MARCHF10: variants seen among roughly 807,000 people sequenced by gnomAD.
The protein encoded by MARCHF10 is membrane associated ring-CH-type finger 10.
A neutral mutation model predicts 76.2 loss-of-function variants in MARCHF10; 64 were observed. The ratio of observed to expected loss-of-function variants is 0.84; its 90% CI spans 0.69 to 1.03. The LOEUF (loss-of-function observed/expected upper bound fraction) is 1.03. MARCHF10 is among the 50% of genes least tolerant of loss of function. The probability of loss-of-function intolerance (pLI) is 0.00; values close to 1 mark genes in which losing one functional copy is unlikely to be tolerated. For synonymous variants in MARCHF10, 340 were observed against 357.5 expected, an observed-to-expected ratio of 0.95 and a Z score of 0.55; for missense variants, 875 against 958.0, an observed-to-expected ratio of 0.91 and a Z score of 1.14.
intron 6 of MARCHF10, among the ~76,000 whole-genome samples, chr17:62,728,506 T>G (rs764462314): frequency 7.9e-5 from 12 of 152,156 alleles, no homozygotes; most frequent in Non-Finnish European, 1.6e-4. Flanking sequence ...ACCTGTCACA[T>G]GTGGAAACCA....
At position 62,712,901 on chromosome 17, in the gene MARCHF10, C is replaced by T. The variant is rs770352155; in HGVS notation, c.2215-1557G>A. ...CTGGGATTACAGGTGTGCACCACCA[C>T]GCCCAGCTAATTTTTGTATTTTTAG... On this transcript the variant is annotated intron_variant, in intron 8 of 10. Transcript: ENST00000311269. This position sits in a 1 kb window ranked among gnomAD's most constrained non-coding sequence, Gnocchi z 4.2. Among the ~76,000 whole-genome samples the T allele has an allele frequency of 1.3e-5, 2 of 152,024 alleles. No homozygotes were observed. The highest frequency in any genetic ancestry group is 6.6e-5 in the Admixed American group (1 of 15,260).
At chr17:62,743,453 G>A (rs1187933321) in intron 5 of MARCHF10, among the ~76,000 whole-genome samples, 1 of 152,154 alleles carries the variant, frequency 6.6e-6, no homozygotes, top group Non-Finnish European at 1.5e-5. Context: ...TTTGAGACGG[G>A]CCAACATGGT....
rs141517658 is a variant in MARCHF10, at chr17:62,737,610, C to T, written c.536-278G>A. ...AGAAGCTCCCGGAAGACTGGCCCAGCCCCAGCCAGTCAGGACTGATGATGC... is the reference window on the plus strand; with the variant it reads ...AGAAGCTCCCGGAAGACTGGCCCAGTCCCAGCCAGTCAGGACTGATGATGC... On this transcript the variant is annotated intron_variant, in intron 5 of 10. Coordinates refer to ENST00000311269, the MANE Select transcript of MARCHF10 (RefSeq NM_152598.4). The T allele has an allele frequency of 5.6e-4, 246 of 442,088 alleles. 1 individual carries two copies. Among genetic ancestry groups the T allele is most frequent in the African/African-American group, 4.6e-3 (222 of 48,358 alleles). 27.4% of individuals were successfully genotyped at this position (442,088 alleles called of 1,614,324 possible).
chr17:62,773,194 C>T (rs958846543), intron 3 of MARCHF10, among the ~76,000 whole-genome samples: 12 of 152,106 alleles, frequency 7.9e-5, no homozygotes, highest in African/African-American at 2.7e-4. Flanking sequence ...AATGAGAAAC[C>T]GCCCCTGGAG....
intron 1 of MARCHF10, among the ~76,000 whole-genome samples, chr17:62,803,326 T>C: frequency 6.6e-6 from 1 of 151,954 alleles, no homozygotes; most frequent in Non-Finnish European, 1.5e-5. Context: ...AAAAGATCCC[T>C]CCAGTTGCAG....
At chr17:62,787,926 A>G (rs1200028152) in intron 3 of MARCHF10, among the ~76,000 whole-genome samples, 1 of 152,210 alleles carries the variant, frequency 6.6e-6, no homozygotes. Flanking sequence ...TCATATTATC[A>G]TATTGTTATT....
chr17:62,753,056 C>T (rs1568162475), intron 4 of MARCHF10, among the ~76,000 whole-genome samples: 1 of 152,106 alleles, frequency 6.6e-6, no homozygotes, highest in Non-Finnish European at 1.5e-5. Context: ...CTTTATATTT[C>T]CTAATTTGTA....
intron 8 of MARCHF10, among the ~76,000 whole-genome samples, chr17:62,715,027 G>A (rs903335985): frequency 7.9e-5 from 12 of 152,186 alleles, no homozygotes; most frequent in Admixed American, 4.6e-4. Context: ...GATTACAGGC[G>A]TGAGTCACCG....
At position 62,753,991 on chromosome 17, in the gene MARCHF10, C is replaced by A. The variant is rs1044803607; in HGVS notation, c.382+5844G>T. ...GGGGACAGTTGGATGTATTTGCTAACATCCCCATAGGTACTGGATAAACGG... is the reference window on the plus strand; with the variant it reads ...GGGGACAGTTGGATGTATTTGCTAAAATCCCCATAGGTACTGGATAAACGG... On this transcript the variant is annotated intron_variant, in intron 4 of 10. Coordinates refer to ENST00000311269, the MANE Select transcript of MARCHF10 (RefSeq NM_152598.4). 5.9e-5 allele frequency among the ~76,000 whole-genome samples: 9 copies of A among 152,236 alleles called. No homozygotes were observed. In the South Asian group the frequency reaches 8.3e-4, roughly 14 times the overall value.
At chr17:62,737,397 A>C in intron 5 of MARCHF10, 65 bp from the exon 6 acceptor site, 1 of 1,490,136 alleles carries the variant, frequency 6.7e-7, no homozygotes, top group Non-Finnish European at 9.1e-7. Flanking sequence ...GGCCTCTAGC[A>C]CCAAGTGCAA....
intron 4 of MARCHF10, 23 bp downstream of exon 4, chr17:62,759,812 A>C (rs960142133): frequency 6.2e-7 from 1 of 1,607,234 alleles, no homozygotes; most frequent in Non-Finnish European, 8.5e-7. Flanking sequence ...GATCTGATGA[A>C]TTTCAATAAG....
chr17:62,758,437 G>A (rs778342256), intron 4 of MARCHF10, among the ~76,000 whole-genome samples: 2 of 152,066 alleles, frequency 1.3e-5, no homozygotes, highest in Non-Finnish European at 2.9e-5. Context: ...TCCTCAATTC[G>A]ATAAATTACA....
intron 3 of MARCHF10, among the ~76,000 whole-genome samples, chr17:62,787,714 G>C (rs1003462257): frequency 3.3e-5 from 5 of 151,962 alleles, no homozygotes; most frequent in African/African-American, 1.2e-4. Flanking sequence ...CTAAGGTCCA[G>C]TTTTCTCATC....
chr17:62,727,310 GA>G (rs2090807249), intron 6 of MARCHF10, among the ~76,000 whole-genome samples: 1 of 152,050 alleles, frequency 6.6e-6, no homozygotes, highest in Non-Finnish European at 1.5e-5. Flanking sequence ...AGAAGAGACA[GA>G]AAAGCACAGA....
intron 5 of MARCHF10, 40 bp downstream of exon 5, chr17:62,744,336 C>G: frequency 6.3e-7 from 1 of 1,586,112 alleles, no homozygotes; most frequent in Non-Finnish European, 8.5e-7. Context: ...AATCAGTCCT[C>G]CTCTCCAAGG....
chr17:62,806,698 G>A (rs2093169963), intron 1 of MARCHF10: 1 of 152,202 alleles, frequency 6.6e-6, no homozygotes, highest in Non-Finnish European at 1.5e-5. Flanking sequence ...AATATTCTAA[G>A]AACTTTGTGA....
intron 1 of MARCHF10, among the ~76,000 whole-genome samples, chr17:62,802,891 T>A (rs1191756725): frequency 6.6e-6 from 1 of 152,018 alleles, no homozygotes; most frequent in Non-Finnish European, 1.5e-5. Context: ...ATTCAAAGAG[T>A]CATGGGAAAC....
In MARCHF10 at chr17:62,701,530, G is replaced by C. The variant is rs1310963617; in HGVS notation, c.*173C>G. 5 of 1,429,932 alleles carry C rather than the reference G, an allele frequency of 3.5e-6. No individual in the cohort carries two copies. In the Admixed American group the frequency reaches 1.0e-4, roughly 29 times the overall value. 88.6% of individuals were successfully genotyped at this position (1,429,932 alleles called of 1,614,324 possible). ...TGGGACTAGACTGGTCGCTGTGGCTGCCCATAGATGCTCAAGCCAGACCCC... is the reference window on the plus strand; with the variant it reads ...TGGGACTAGACTGGTCGCTGTGGCTCCCCATAGATGCTCAAGCCAGACCCC... On this transcript the variant is annotated 3_prime_UTR_variant, in exon 11 of 11. Coordinates refer to ENST00000311269, the MANE Select transcript of MARCHF10 (RefSeq NM_152598.4).
In MARCHF10 at chr17:62,736,902, T is replaced by A. The variant is rs946978185; in HGVS notation, c.966A>T (p.Thr322=). 3.7e-6 allele frequency: 6 copies of A among 1,613,958 alleles called. No homozygotes were observed. In the African/African-American group the frequency reaches 6.7e-5, roughly 18 times the overall value. The part of the protein sequence containing the change: ...SHHKRSRFGG[T]STPQAKNKNF... ...TTTTATTTTTGGCCTGAGGGGTCGA[T>A]GTCCCCCCAAATCTACTTCTTTTGT... The change falls in exon 6 of 11, where the codon ACA becomes ACT. Residue 322 remains threonine (T), a synonymous_variant. Transcript: ENST00000311269.
Sources: gnomAD v4.1 joint callset for allele counts (sites outside exome capture counted in the v4.1 genomes callset) on GRCh38, gnomAD v4.1.1 for gene constraint, Gnocchi (gnomAD v3.1) non-coding constraint, MANE v1.5 for transcripts, NCBI Gene and HGNC (gene_info 2026-07-23, HGNC 2026-07-21) for gene names.